The following NCOA6 variants were observed in gnomAD, a reference collection of about 807,000 sequenced individuals.
NCOA6 encodes the protein NRC RAP250.
A neutral mutation model predicts 171.4 loss-of-function variants in NCOA6; 49 were observed. The observed-to-expected ratio is 0.29, with a 90% CI of 0.23 to 0.36. The LOEUF (loss-of-function observed/expected upper bound fraction) is 0.36, where lower values mean the gene tolerates loss of function less well. NCOA6 is among the 10% of genes least tolerant of loss of function. The pLI, the probability that NCOA6 is intolerant of heterozygous loss-of-function variation, is 1.00. For synonymous variants in NCOA6, 910 were observed against 927.5 expected, an observed-to-expected ratio of 0.98 and a Z score of 0.34; for missense variants, 2,248 against 2,554.5, an observed-to-expected ratio of 0.88 and a Z score of 2.59.
chr20:34,765,557 A>G (rs2076957954), intron 5 of NCOA6, among the ~76,000 whole-genome samples: 1 of 152,138 alleles, frequency 6.6e-6, no homozygotes, highest in African/African-American at 2.4e-5. Flanking sequence ...CATGCATTCC[A>G]GTACTAGATG....
In NCOA6 at chr20:34,736,759, C is replaced by T; in HGVS notation, c.5894-1G>A. 6.2e-7 allele frequency: 1 copy of T among 1,606,044 alleles called. No individual in the cohort carries two copies. Among genetic ancestry groups the T allele is most frequent in the Non-Finnish European group, 8.5e-7 (1 of 1,176,004 alleles). On this transcript the variant is annotated splice_acceptor_variant, in intron 11 of 14. Transcript: ENST00000359003. LOFTEE classifies it high-confidence loss of function. The stretch of plus-strand genomic sequence containing the variant: ...TTTGAGACTAAATTCTGCGACGGGG[C>T]TAAGGCAAGGAAAAAAAAATTACAG...
At chr20:34,745,357 G>A (rs1450958415) in intron 10 of NCOA6, among the ~76,000 whole-genome samples, 1 of 152,100 alleles carries the variant, frequency 6.6e-6, no homozygotes, top group African/African-American at 2.4e-5. Flanking sequence ...TGTATACAAA[G>A]ACCCCTGGGA....
At chr20:34,721,238 C>CAAAAAAAAAAAAA (rs10531679) in intron 14 of NCOA6, among the ~76,000 whole-genome samples, 16 of 66,048 alleles carry the variant, frequency 2.4e-4, no homozygotes, top group African/African-American at 9.5e-4. Flanking sequence ...TTCCTCTATA[C>CAAAAAAAAAAAAA]AAAAAAAAAA....
chr20:34,812,190 T>C (rs2078688593), intron 1 of NCOA6, among the ~76,000 whole-genome samples: 1 of 151,348 alleles, frequency 6.6e-6, no homozygotes, highest in African/African-American at 2.4e-5. Flanking sequence ...GAGGAAGAGG[T>C]TGCAGTGAGC....
In NCOA6 at chr20:34,757,290, T is replaced by C. The variant is rs763207401; in HGVS notation, c.1458A>G (p.Pro486=). 4 of 1,613,592 alleles carry C rather than the reference T, an allele frequency of 2.5e-6. No individual in the cohort carries two copies. Among genetic ancestry groups the C allele is most frequent in the South Asian group, 2.2e-5 (2 of 91,012 alleles). ...RNPMVQQGNV[P]PNFMVMQQQP... ...GCTGCTGCATCACCATGAAGTTAGGTGGCACATTTCCCTGTTGAACCATAG... is the reference window on the plus strand; with the variant it reads ...GCTGCTGCATCACCATGAAGTTAGGCGGCACATTTCCCTGTTGAACCATAG... The change falls in exon 7 of 15, where the codon CCA becomes CCG. Residue 486 remains proline, a synonymous_variant. Transcript: ENST00000359003.
intron 14 of NCOA6, among the ~76,000 whole-genome samples, 187 bp downstream of exon 14, chr20:34,727,072 T>C (rs1990041160): frequency 6.6e-6 from 1 of 152,136 alleles, no homozygotes; most frequent in African/African-American, 2.4e-5. Context: ...TGCTCTTGAG[T>C]ACACACACAG....
intron 4 of NCOA6, among the ~76,000 whole-genome samples, chr20:34,775,602 T>C (rs1312228697): frequency 3.5e-5 from 5 of 144,326 alleles, no homozygotes; most frequent in Non-Finnish European, 7.5e-5. Flanking sequence ...GGAGAATCAC[T>C]TGAACCTGGG....
intron 4 of NCOA6, among the ~76,000 whole-genome samples, chr20:34,771,732 C>T (rs758204923): frequency 2.6e-5 from 4 of 152,180 alleles, no homozygotes; most frequent in South Asian, 2.1e-4. Context: ...TTTGCTCATG[C>T]GGTTTCCTCT....
At position 34,741,425 on chromosome 20, in the gene NCOA6, T is replaced by C; in HGVS notation, c.4831A>G (p.Asn1611Asp). The C allele has an allele frequency of 6.2e-7, 1 of 1,614,236 alleles. No homozygotes were observed. The change falls in exon 11 of 15, where the codon AAC (asparagine) becomes GAC (aspartate). Residue 1611 changes from asparagine to aspartate, a missense_variant. By Grantham distance (23) the Asn-to-Asp change is conservative. Transcript: ENST00000359003. ...TGAGTTGGCAAAGCTGCTGATGTGT[T>C]AGCTGAAGTTGTGATGGGATTGGAA... ...VTSNPITTSANTSAALPTHLQ... is the reference protein window; with the variant it reads ...VTSNPITTSADTSAALPTHLQ...
At chr20:34,732,016 G>A (rs1034846696) in intron 13 of NCOA6, among the ~76,000 whole-genome samples, 7 of 152,142 alleles carry the variant, frequency 4.6e-5, no homozygotes, top group Admixed American at 3.3e-4. Context: ...GCAAGACTCT[G>A]TCTCCAAAAA....
At chr20:34,782,501 A>T (rs1397211548) in intron 2 of NCOA6, 97 bp from the exon 3 acceptor site, 3 of 324,012 alleles carry the variant, frequency 9.3e-6, no homozygotes, top group African/African-American at 6.4e-5. Context: ...TTATTTAATA[A>T]GAAAATACTA....
chr20:34,754,941 G>A, intron 7 of NCOA6, 73 bp from the exon 8 acceptor site: 6 of 1,506,498 alleles, frequency 4.0e-6, no homozygotes, highest in Non-Finnish European at 5.5e-6. Context: ...AATGAATAAG[G>A]AAGGATGAGC....
chr20:34,728,195 T>C (rs907154163), intron 13 of NCOA6, among the ~76,000 whole-genome samples: 3 of 152,154 alleles, frequency 2.0e-5, no homozygotes, highest in African/African-American at 7.2e-5. Context: ...TTACTAATGA[T>C]CCCGGTAGAG....
chr20:34,794,367 C>A (rs921782201), intron 1 of NCOA6, among the ~76,000 whole-genome samples: 2 of 152,140 alleles, frequency 1.3e-5, no homozygotes, highest in East Asian at 1.9e-4. Context: ...CCTACAGATA[C>A]ACTTATCATC....
chr20:34,784,344 C>T (rs945562808), intron 2 of NCOA6, among the ~76,000 whole-genome samples: 1 of 152,106 alleles, frequency 6.6e-6, no homozygotes, highest in East Asian at 1.9e-4. Flanking sequence ...CTCGCCTCAG[C>T]TTCCCAAGCA....
chr20:34,821,878 C>T (rs961395300), intron 1 of NCOA6, among the ~76,000 whole-genome samples: 2 of 152,218 alleles, frequency 1.3e-5, no homozygotes, highest in African/African-American at 2.4e-5. Flanking sequence ...TGAGCCAACA[C>T]GCCCAGACTT....
At chr20:34,759,029 G>GTTTT in intron 5 of NCOA6, 96 bp from the exon 6 acceptor site, 5 of 1,060,470 alleles carry the variant, frequency 4.7e-6, no homozygotes, top group Admixed American at 2.5e-5. Flanking sequence ...TGGAAAATTT[G>GTTTT]TTTTTTTTTT....
At chr20:34,724,101 C>G (rs1277150218) in intron 14 of NCOA6, among the ~76,000 whole-genome samples, 1 of 152,150 alleles carries the variant, frequency 6.6e-6, no homozygotes, top group African/African-American at 2.4e-5. Context: ...AAAGTGTACT[C>G]CCTTCCAAAC....
In NCOA6 at chr20:34,715,250, A is replaced by C; in HGVS notation, c.*72T>G. On this transcript the variant is annotated 3_prime_UTR_variant, in exon 15 of 15. Transcript: ENST00000359003. ...TAACTGTACAGAAATTGATTTAAAA[A>C]AGTCACAGCTCAAAATTGCTCTTTG... The C allele has an allele frequency of 6.2e-7, 1 of 1,602,244 alleles. No homozygotes were observed. Among genetic ancestry groups the C allele is most frequent in the Non-Finnish European group, 8.5e-7 (1 of 1,170,366 alleles).
Sources: gnomAD v4.1 joint callset for allele counts (sites outside exome capture counted in the v4.1 genomes callset) on GRCh38, gnomAD v4.1.1 for gene constraint, MANE v1.5 for transcripts, NCBI Gene and HGNC (gene_info 2026-07-23, HGNC 2026-07-21) for gene names.